The following DQX1 variants were observed in gnomAD, a reference collection of about 807,000 sequenced individuals.
The protein encoded by DQX1 is ATP-dependent RNA helicase homolog DQX1.
A neutral mutation model predicts 81.3 loss-of-function variants in DQX1; 66 were observed. That is an observed-to-expected ratio of 0.81 (90% CI 0.67 to 1.00). DQX1 has a LOEUF of 1.00. Ranked by LOEUF, DQX1 falls within the 50% of genes least tolerant of loss-of-function variation. The pLI is 0.00. For missense variants in DQX1, 798 were observed against 867.9 expected, an observed-to-expected ratio of 0.92 and a Z score of 1.01; for synonymous variants, 290 against 350.0, an observed-to-expected ratio of 0.83 and a Z score of 1.91.
At position 74,519,117 on chromosome 2, in the gene DQX1, T is replaced by TG. The variant is rs1674959734; in HGVS notation, c.1919dup (p.Pro641ThrfsTer21). The TG allele has an allele frequency of 6.2e-7, 1 of 1,611,948 alleles. No homozygotes were observed. On this transcript the variant is annotated frameshift_variant, in exon 11 of 12. Coordinates refer to ENST00000404568, the MANE Select transcript of DQX1 (RefSeq NM_133637.3). LOFTEE classifies it high-confidence loss of function. ...TGAAATTGTGGTAGAGCACCCATGGTGGGGGTCTGGCAGGAGCTCTGCGGC... is the reference window on the plus strand; with the variant it reads ...TGAAATTGTGGTAGAGCACCCATGGTGGGGGGTCTGGCAGGAGCTCTGCGGC...
In DQX1 at chr2:74,523,650, T is replaced by A. The variant is rs190988345; in HGVS notation, c.817-113A>T. ...CCCTTCACTCTGAGAAAATGCAAAT[T>A]ACTCATAAAGTTGAAGGTTTTATAA... is the stretch of plus-strand genomic sequence containing the variant. On this transcript the variant is annotated intron_variant, in intron 4 of 11. Coordinates refer to ENST00000404568, the MANE Select transcript of DQX1 (RefSeq NM_133637.3). 7.0e-3 allele frequency: 7,468 copies of A among 1,073,926 alleles called. 89 individuals are homozygous for A. Among genetic ancestry groups the A allele is most frequent in the Admixed American group, 0.043 (1,720 of 40,438 alleles). 66.5% of individuals were successfully genotyped at this position (1,073,926 alleles called of 1,614,324 possible). A position where few individuals can be genotyped will look rare whatever the true frequency, so the allele number is the denominator to read the frequency against.
rs773049396 is a variant in DQX1, at chr2:74,524,224, G to T, written c.515C>A (p.Ala172Asp). The stretch of plus-strand genomic sequence containing the variant: ...ATCTGATGCCACCGACCGCTCCTGA[G>T]CCTCATCTAGTACCAGCACGCCCCA... ...GAWGVLVLDE[A>D]QERSVASDSL... is the part of the protein sequence containing the mutation. The change falls in exon 4 of 12, where the codon GCT (alanine) becomes GAT (aspartate). Residue 172 changes from alanine (A) to aspartate (D), a missense_variant. Ala to Asp is a moderately radical substitution (Grantham distance 126, BLOSUM62 -2). Transcript: ENST00000404568. The T allele has an allele frequency of 6.2e-7, 1 of 1,614,102 alleles. No homozygotes were observed. The highest frequency in any genetic ancestry group is 8.5e-7 in the Non-Finnish European group (1 of 1,180,016).
rs1558602199 is a variant in DQX1 at position 74,522,920 on chromosome 2, C to G, written c.1239G>C (p.Leu413=). 1.2e-6 allele frequency: 2 copies of G among 1,614,160 alleles called. No individual in the cohort carries two copies. Among genetic ancestry groups the G allele is most frequent in the East Asian group, 4.5e-5 (2 of 44,890 alleles). ...PRVCEENLSS[L]VLLLKRRQIA... ...TCTGTCTCCTTTTTAGTAGTAACACCAGGGAGCTCAGATTCTCCTCACACA... is the reference window on the plus strand; with the variant it reads ...TCTGTCTCCTTTTTAGTAGTAACACGAGGGAGCTCAGATTCTCCTCACACA... The change falls in exon 7 of 12, where the codon CTG becomes CTC. Residue 413 remains leucine (L), a synonymous_variant. Transcript: ENST00000404568.
chr2:74,522,259 A>C (rs1675048370), intron 8 of DQX1, among the ~76,000 whole-genome samples: 1 of 152,238 alleles, frequency 6.6e-6, no homozygotes. Flanking sequence ...GCTGGAGTGC[A>C]GTGGGTGAGC....
rs1479021157 is a variant in DQX1, at chr2:74,525,449, T to G, written c.237+44A>C. 2 of 1,536,164 alleles carry G rather than the reference T, an allele frequency of 1.3e-6. No individual in the cohort carries two copies. The highest frequency in any genetic ancestry group is 2.0e-5 in the Admixed American group (1 of 50,754). On this transcript the variant is annotated intron_variant, in intron 2 of 11. Coordinates refer to ENST00000404568, the MANE Select transcript of DQX1 (RefSeq NM_133637.3). This position sits in a 1 kb window ranked among gnomAD's most constrained non-coding sequence, Gnocchi z 4.1. ...CTTTGTCCTCCCTTTGTCCTCCCTT[T>G]GTCCACTCCCAGAATCTGCCTGCCC...
intron 8 of DQX1, among the ~76,000 whole-genome samples, chr2:74,521,726 TCCCTCTCCCTCTCTCCCCCTCTCC>T (rs1558601686): frequency 6.7e-6 from 1 of 148,648 alleles, no homozygotes; most frequent in Admixed American, 6.7e-5. Context: ...TCCCTCTCTT[TCCCTCTCCCTCTCTCCCCCTCTCC>T]CCCTCTTTCC....
At chr2:74,523,841 C>T in intron 4 of DQX1, 82 bp downstream of exon 4, 1 of 1,446,312 alleles carries the variant, frequency 6.9e-7, no homozygotes, top group Non-Finnish European at 9.1e-7. Context: ...TCCCATTCCT[C>T]AGGACTGGAA....
At chr2:74,522,796 GATATGAA>G (rs780082894) in intron 7 of DQX1, 25 bp from the exon 8 acceptor site, 3 of 1,613,398 alleles carry the variant, frequency 1.9e-6, no homozygotes, top group Non-Finnish European at 2.5e-6. Flanking sequence ...GGGCTTACAG[GATATGAA>G]GTTTCAGAAC....
In DQX1 at chr2:74,525,329, C is replaced by G; in HGVS notation, c.238-127G>C. On this transcript the variant is annotated intron_variant, in intron 2 of 11. Transcript: ENST00000404568. The surrounding 1 kb of genome is among the most constrained non-coding windows in gnomAD (Gnocchi z 4.1). Reference sequence around the variant, plus strand: ...AGTCCCCTGGTCTTTCACCAGCCTCCAGGGCCAACCTAACCCATCCCATCT... The same window carrying G: ...AGTCCCCTGGTCTTTCACCAGCCTCGAGGGCCAACCTAACCCATCCCATCT... The G allele has an allele frequency of 7.9e-7, 1 of 1,264,002 alleles. No homozygotes were observed. The highest frequency in any genetic ancestry group is 1.1e-6 in the Non-Finnish European group (1 of 928,430). The allele number at this position is 1,264,002 out of a possible 1,614,324, so 78.3% of individuals were successfully genotyped here.
At position 74,523,009 on chromosome 2, in the gene DQX1, A is replaced by G; in HGVS notation, c.1150T>C (p.Cys384Arg). The G allele has an allele frequency of 6.2e-7, 1 of 1,614,136 alleles. No homozygotes were observed. Residue 384 changes from cysteine to arginine, a missense_variant, in exon 7 of 12, where the codon TGC becomes CGC. Transcript: ENST00000404568. ...LRARGFPPGS[C>R]LCLYPKSFLE... ...AAGGACTTAGGATACAGGCAGAGGC[A>G]GGATCCTGAGGGGAAAAAGACCTGG...
chr2:74,524,451 T>A, intron 3 of DQX1, 144 bp from the exon 4 acceptor site: 1 of 1,189,886 alleles, frequency 8.4e-7, no homozygotes, highest in Non-Finnish European at 1.1e-6. Flanking sequence ...TATGGACCCA[T>A]AACTGTCACC....
Position 74,522,944 on chromosome 2 carries a change from C to T in DQX1, c.1215G>A (p.Val405=). ...LEAPPLPQPR[V]CEENLSSLVL... is the part of the protein sequence containing the mutation. ...CCAGGGAGCTCAGATTCTCCTCACA[C>T]ACCCTGGGTTGTGGCAATGGTGGAG... The change falls in exon 7 of 12, where the codon GTG becomes GTA. Residue 405 remains valine (V), a synonymous_variant. Transcript: ENST00000404568. 6.2e-7 allele frequency: 1 copy of T among 1,614,206 alleles called. No individual in the cohort carries two copies. Among genetic ancestry groups the T allele is most frequent in the South Asian group, 1.1e-5 (1 of 91,088 alleles).
chr2:74,518,511 C>A lies in DQX1; in HGVS notation c.2089G>T (p.Asp697Tyr), dbSNP rs201394061. The A allele has an allele frequency of 6.2e-7, 1 of 1,614,258 alleles. No individual in the cohort carries two copies. Among genetic ancestry groups the A allele is most frequent in the South Asian group, 1.1e-5 (1 of 91,086 alleles). ...GATGATTTGCTCCCTGCTGTAGAAT[C>A]TGCCATTCCTTCCCTTAGCTGGTTC... ...LLNQLREGMADSTAGSKSSSA... is the reference protein window; with the variant it reads ...LLNQLREGMAYSTAGSKSSSA... Residue 697 changes from aspartate (D) to tyrosine (Y), a missense_variant, in exon 12 of 12, where the codon GAT (aspartate) becomes TAT (tyrosine). Physicochemically the swap from Asp to Tyr is radical, Grantham distance 160 (BLOSUM62 -3). Transcript: ENST00000404568.
At position 74,523,129 on chromosome 2, in the gene DQX1, C is replaced by T. The variant is rs766747892; in HGVS notation, c.1134G>A (p.Gly378=). ...QAEARRLRAR[G]FPPGSCLCLY... ...GGCAAAGGCTCTTACCTGGTGGGAACCCTCTTGCTCGCAATCGTCTTGCCT... is the reference window on the plus strand; with the variant it reads ...GGCAAAGGCTCTTACCTGGTGGGAATCCTCTTGCTCGCAATCGTCTTGCCT... The change falls in exon 6 of 12, where the codon GGG becomes GGA. Residue 378 remains glycine (G), a synonymous_variant. Transcript: ENST00000404568. 3 of 1,614,046 alleles carry T rather than the reference C, an allele frequency of 1.9e-6. No individual in the cohort carries two copies. In the African/African-American group the frequency reaches 4.0e-5, roughly 22 times the overall value.
chr2:74,525,020 G>A lies in DQX1; in HGVS notation c.420C>T (p.Asn140=). 2 of 1,613,980 alleles carry A rather than the reference G, an allele frequency of 1.2e-6. No homozygotes were observed. The highest frequency in any genetic ancestry group is 2.2e-5 in the South Asian group (2 of 91,074). Residue 140 remains asparagine, a synonymous_variant, in exon 3 of 12, where the codon AAC becomes AAT. Transcript: ENST00000404568. This position sits in a 1 kb window ranked among gnomAD's most constrained non-coding sequence, Gnocchi z 4.1. ...GCAGAGGCCCCCACCTGAGCAGGGT[G>A]TTGGGCCCCGTGCAGTCCTCCTGGG... ...SIPQEDCTGP[N]TLLRFCWDRL... is the part of the protein sequence containing the mutation.
At position 74,518,608 on chromosome 2, in the gene DQX1, A is replaced by G; in HGVS notation, c.1998-6T>C. 6.2e-7 allele frequency: 1 copy of G among 1,613,466 alleles called. No individual in the cohort carries two copies. The highest frequency in any genetic ancestry group is 1.3e-5 in the African/African-American group (1 of 75,004). The stretch of plus-strand genomic sequence containing the variant: ...GAGGGGCCAATTCCACCAGCCTAAT[A>G]GAGAGAGTCATAATTAGATGATCTG... On this transcript the variant is annotated splice_region_variant and splice_polypyrimidine_tract_variant and intron_variant, in intron 11 of 11. Coordinates refer to ENST00000404568, the MANE Select transcript of DQX1 (RefSeq NM_133637.3).
In DQX1 at chr2:74,518,516, A is replaced by G. The variant is rs576215051; in HGVS notation, c.2084T>C (p.Met695Thr). 6.2e-7 allele frequency: 1 copy of G among 1,614,208 alleles called. No individual in the cohort carries two copies. Among genetic ancestry groups the G allele is most frequent in the Admixed American group, 1.7e-5 (1 of 60,024 alleles). Residue 695 changes from methionine to threonine, a missense_variant, in exon 12 of 12, where the codon ATG becomes ACG. Transcript: ENST00000404568. ...TTTGCTCCCTGCTGTAGAATCTGCC[A>G]TTCCTTCCCTTAGCTGGTTCAGAAG... ...RDLLNQLREG[M>T]ADSTAGSKSS...
rs1434426972 is a variant in DQX1, at chr2:74,522,873, T to C, written c.1286A>G (p.His429Arg). The change falls in exon 7 of 12, where the codon CAC becomes CGC. Residue 429 changes from histidine (H) to arginine (R), a missense_variant. Coordinates refer to ENST00000404568, the MANE Select transcript of DQX1 (RefSeq NM_133637.3). ...RRQIAEPGECHFLDQPAPEAL... is the reference protein window; with the variant it reads ...RRQIAEPGECRFLDQPAPEAL... ...GTGCTCACCAGGCTGGTCCAGGAAG[T>C]GACACTCCCCTGGCTCTGCAATCTG... The C allele has an allele frequency of 6.2e-7, 1 of 1,613,938 alleles. No individual in the cohort carries two copies. Among genetic ancestry groups the C allele is most frequent in the Admixed American group, 1.7e-5 (1 of 60,016 alleles).
At position 74,524,156 on chromosome 2, in the gene DQX1, G is replaced by A. The variant is rs34825856; in HGVS notation, c.583C>T (p.Pro195Ser). The stretch of plus-strand genomic sequence containing the variant: ...ACCACAACCACTCTGAGGTCCCCCG[G>A]AAGTTTTTCCAGCCTGGCATCTTGC... ...LLQDARLEKLPGDLRVVVVTD... is the reference protein window; with the variant it reads ...LLQDARLEKLSGDLRVVVVTD... Residue 195 changes from proline to serine, a missense_variant, in exon 4 of 12, where the codon CCG becomes TCG. Coordinates refer to ENST00000404568, the MANE Select transcript of DQX1 (RefSeq NM_133637.3). 3,991 of 1,614,162 alleles carry A rather than the reference G, an allele frequency of 2.5e-3. 23 individuals carry two copies. Among genetic ancestry groups the A allele is most frequent in the African/African-American group, 0.025 (1,841 of 75,030 alleles).
Sources: gnomAD v4.1 joint callset for allele counts (sites outside exome capture counted in the v4.1 genomes callset) on GRCh38, gnomAD v4.1.1 for gene constraint, Gnocchi (gnomAD v3.1) non-coding constraint, MANE v1.5 for transcripts, NCBI Gene and HGNC (gene_info 2026-07-23, HGNC 2026-07-21) for gene names.